Variants in NUP58 observed in about 807,000 individuals in gnomAD.
NUP58 encodes the protein nucleoporin p58/p45.
NUP58 carries 17 observed loss-of-function variants against 70.1 expected under a neutral mutation model. The ratio of observed to expected loss-of-function variants is 0.24; its 90% CI spans 0.17 to 0.36. The LOEUF is 0.36. Among genes scored for constraint, NUP58 ranks in the 10% least tolerant of loss-of-function variants. NUP58 has a pLI of 1.00. For missense variants in NUP58, 644 were observed against 701.5 expected, an observed-to-expected ratio of 0.92 and a Z score of 0.93; for synonymous variants, 275 against 257.6, an observed-to-expected ratio of 1.07 and a Z score of -0.65.
chr13:25,314,715 A>C (rs958134492), intron 5 of NUP58, among the ~76,000 whole-genome samples: 1 of 152,158 alleles, frequency 6.6e-6, no homozygotes, highest in South Asian at 2.1e-4. Context: ...AATAACAATA[A>C]AAAAGAAATA....
At chr13:25,307,751 G>C in intron 1 of NUP58, 55 bp from the exon 2 acceptor site, 1 of 1,576,704 alleles carries the variant, frequency 6.3e-7, no homozygotes, top group East Asian at 2.2e-5. Flanking sequence ...ATTGGCTCTA[G>C]TAGACCTCCT....
downstream of NUP58, among the ~76,000 whole-genome samples, chr13:25,343,021 A>AT (rs577125635): frequency 6.5e-3 from 984 of 152,098 alleles, 16 homozygotes; most frequent in African/African-American, 0.023. Flanking sequence ...AATTTTTTAA[A>AT]ATTTTTTTTA....
intron 13 of NUP58, chr13:25,333,131 T>C: frequency 2.0e-6 from 2 of 985,304 alleles, no homozygotes; most frequent in Non-Finnish European, 2.4e-6. Context: ...GGTTTGTGTG[T>C]GTGTGTGTGT....
intron 1 of NUP58, among the ~76,000 whole-genome samples, chr13:25,307,178 C>T (rs1318937975): frequency 1.4e-5 from 2 of 147,208 alleles, no homozygotes; most frequent in Non-Finnish European, 3.0e-5. Context: ...ATCCTTATTG[C>T]TGTAGACTGC....
intron 4 of NUP58, among the ~76,000 whole-genome samples, chr13:25,313,309 G>A (rs1207815437): frequency 6.6e-6 from 1 of 152,154 alleles, no homozygotes; most frequent in African/African-American, 2.4e-5. Flanking sequence ...CATAAACCTT[G>A]CCTGGCTTAT....
rs562943071 is a variant in NUP58, at chr13:25,301,669, C to T, written c.-105C>T. ...TTGGGGCTGGAAGTTCCCGCCAGGTCCGTGCCGGGCGAGAGAGATGCTGCC... is the reference window on the plus strand; with the variant it reads ...TTGGGGCTGGAAGTTCCCGCCAGGTTCGTGCCGGGCGAGAGAGATGCTGCC... On this transcript the variant is annotated 5_prime_UTR_variant, in exon 1 of 16. Coordinates refer to ENST00000381736, the MANE Select transcript of NUP58 (RefSeq NM_014089.4). 1.0e-5 allele frequency: 6 copies of T among 572,758 alleles called. No individual in the cohort carries two copies. Among genetic ancestry groups the T allele is most frequent in the East Asian group, 6.9e-5 (2 of 28,872 alleles). 35.5% of individuals were successfully genotyped at this position (572,758 alleles called of 1,614,324 possible).
chr13:25,349,774 A>C (rs984946205), exon 4 of NUP58: 13 of 152,270 alleles, frequency 8.5e-5, no homozygotes, highest in African/African-American at 2.9e-4. Context: ...TAAGGAAATA[A>C]AACTTGCCTT....
At chr13:25,333,060 T>G in intron 13 of NUP58, 1 of 985,056 alleles carries the variant, frequency 1.0e-6, no homozygotes, top group Non-Finnish European at 1.2e-6. Flanking sequence ...TAAAAAGTTA[T>G]GTTGTAAGTG....
downstream of NUP58, among the ~76,000 whole-genome samples, chr13:25,344,762 A>G (rs1438608475): frequency 1.3e-5 from 2 of 152,152 alleles, no homozygotes; most frequent in African/African-American, 4.8e-5. Flanking sequence ...TTTACTAACC[A>G]TCTTGATTTG....
At chr13:25,345,555 T>G (rs1481421582), downstream of NUP58, among the ~76,000 whole-genome samples, 1 of 142,666 alleles carries the variant, frequency 7.0e-6, no homozygotes, top group African/African-American at 2.6e-5. Flanking sequence ...GAGAAAAGCA[T>G]CATCCCAGCA....
intron 3 of NUP58, among the ~76,000 whole-genome samples, chr13:25,311,157 C>G (rs939096461): frequency 6.6e-6 from 1 of 152,090 alleles, no homozygotes; most frequent in African/African-American, 2.4e-5. Flanking sequence ...TAAAAGCGTT[C>G]TGGGAAATAT....
chr13:25,327,544 A>C, intron 12 of NUP58, 32 bp downstream of exon 12: 3 of 1,382,422 alleles, frequency 2.2e-6, no homozygotes, highest in Non-Finnish European at 3.1e-6. Flanking sequence ...ATCTACCTGG[A>C]TATGTAGACC....
At chr13:25,304,082 T>C (rs1445191415) in intron 1 of NUP58, among the ~76,000 whole-genome samples, 1 of 152,186 alleles carries the variant, frequency 6.6e-6, no homozygotes, top group African/African-American at 2.4e-5. Context: ...TATAATATAT[T>C]ACCTGAGTTG....
chr13:25,305,856 T>G (rs1332464222), intron 1 of NUP58, among the ~76,000 whole-genome samples: 1 of 152,098 alleles, frequency 6.6e-6, no homozygotes, highest in Non-Finnish European at 1.5e-5. Context: ...AAGCTGATTA[T>G]GAAATTGAAG....
intron 13 of NUP58, chr13:25,332,690 T>C: frequency 1.1e-5 from 11 of 985,480 alleles, no homozygotes; most frequent in Non-Finnish European, 1.3e-5. Flanking sequence ...GATAGATTTA[T>C]GCCAAATCCT....
intron 1 of NUP58, among the ~76,000 whole-genome samples, chr13:25,304,467 T>C (rs906209612): frequency 7.2e-6 from 1 of 139,436 alleles, no homozygotes; most frequent in Non-Finnish European, 1.5e-5. Flanking sequence ...TCTTCAGTTA[T>C]GTTGTCAAGA....
intron 15 of NUP58, 62 bp from the exon 16 acceptor site, chr13:25,339,902 TG>T: frequency 7.2e-7 from 1 of 1,393,858 alleles, no homozygotes; most frequent in Non-Finnish European, 9.7e-7. Context: ...TGCTCCTCCC[TG>T]TTTTTATATT....
At chr13:25,315,761 G>A (rs1026435967) in intron 6 of NUP58, among the ~76,000 whole-genome samples, 2 of 152,112 alleles carry the variant, frequency 1.3e-5, no homozygotes, top group Non-Finnish European at 2.9e-5. Context: ...GTCAACCATT[G>A]TTCTCTTGTT....
At position 25,315,283 on chromosome 13, in the gene NUP58, T is replaced by C. The variant is rs1593182472; in HGVS notation, c.575-74T>C. On this transcript the variant is annotated intron_variant, in intron 5 of 15. Transcript: ENST00000381736. ...ATCTAGGATCCAACTTTAAAAGCAT[T>C]AGAGTCCTTTGATCAGTAAGGGGAA... 1.6e-5 allele frequency: 16 copies of C among 1,022,496 alleles called. No individual in the cohort carries two copies. The East Asian group carries it at 3.9e-4, about 25-fold the overall frequency. 63.3% of individuals were successfully genotyped at this position (1,022,496 alleles called of 1,614,324 possible).
Sources: gnomAD v4.1 joint callset for allele counts (sites outside exome capture counted in the v4.1 genomes callset) on GRCh38, gnomAD v4.1.1 for gene constraint, MANE v1.5 for transcripts, NCBI Gene and HGNC (gene_info 2026-07-23, HGNC 2026-07-21) for gene names.